GRIP1: variants seen among roughly 807,000 people sequenced by gnomAD.
GRIP1 encodes glutamate receptor interacting protein 1.
Under a neutral mutation model 129.9 loss-of-function variants are expected in GRIP1, and 45 were observed. The observed-to-expected ratio is 0.35, with a 90% CI of 0.27 to 0.44. The LOEUF (loss-of-function observed/expected upper bound fraction) is 0.44, where lower values mean the gene tolerates loss of function less well. Ranked by LOEUF, GRIP1 falls within the 20% of genes least tolerant of loss-of-function variation. The probability of loss-of-function intolerance (pLI) is 1.00; values close to 1 mark genes in which losing one functional copy is unlikely to be tolerated. For synonymous variants in GRIP1, 530 were observed against 520.8 expected (o/e 1.02, Z -0.24); for missense variants, 1,196 against 1,396.8 (o/e 0.86, Z 2.29).
At chr12:66,420,473 C>T (rs572606321) in intron 15 of GRIP1, among the ~76,000 whole-genome samples, 1 of 146,874 alleles carries the variant, frequency 6.8e-6, no homozygotes, top group African/African-American at 2.6e-5. Context: ...GAAGGAGAGC[C>T]TATGCTAGAT....
intron 1 of GRIP1, among the ~76,000 whole-genome samples, chr12:67,065,974 G>T (rs1404932624): frequency 6.6e-6 from 1 of 152,200 alleles, no homozygotes; most frequent in Non-Finnish European, 1.5e-5. Flanking sequence ...AATGGATTGG[G>T]TTTAGCAGAT....
intron 1 of GRIP1, among the ~76,000 whole-genome samples, chr12:67,039,682 G>A (rs1273841890): frequency 6.6e-6 from 1 of 152,142 alleles, no homozygotes; most frequent in East Asian, 1.9e-4. Context: ...AACCCTAGCT[G>A]CCTGAAACAT....
chr12:66,461,214 T>C (rs2059126429), intron 9 of GRIP1, among the ~76,000 whole-genome samples: 2 of 152,216 alleles, frequency 1.3e-5, no homozygotes, highest in South Asian at 2.1e-4. Flanking sequence ...ATGAATTGTA[T>C]ATAGGGCCAA....
chr12:66,944,016 T>C (rs1029937375), intron 1 of GRIP1, among the ~76,000 whole-genome samples: 2 of 152,186 alleles, frequency 1.3e-5, no homozygotes, highest in Non-Finnish European at 2.9e-5. Context: ...AATCAATAAT[T>C]GTAACTGCCA....
At position 66,659,455 on chromosome 12, in the gene GRIP1, C is replaced by A. The variant is rs114164444; in HGVS notation, c.55+19395G>T. Among the ~76,000 whole-genome samples the A allele has an allele frequency of 2.6e-3, 398 of 152,270 alleles. 1 individual carries two copies. Among genetic ancestry groups the A allele is most frequent in the African/African-American group, 9.2e-3 (382 of 41,564 alleles). Reference sequence around the variant, plus strand: ...AGTTGTCATTGTGCATTTCTTTTTGCAAACAACTTTGCTCTATTTATTTCA... The same window carrying A: ...AGTTGTCATTGTGCATTTCTTTTTGAAAACAACTTTGCTCTATTTATTTCA... On this transcript the variant is annotated intron_variant, in intron 1 of 24. Transcript: ENST00000359742.
chr12:66,750,343 T>C (rs1359980139), intron 1 of GRIP1, among the ~76,000 whole-genome samples: 1 of 152,066 alleles, frequency 6.6e-6, no homozygotes, highest in African/African-American at 2.4e-5. Context: ...GCAGTTTGAG[T>C]CTGAGTTTCA....
chr12:66,382,340 A>G (rs1214312878), intron 19 of GRIP1, among the ~76,000 whole-genome samples: 1 of 152,184 alleles, frequency 6.6e-6, no homozygotes, highest in Non-Finnish European at 1.5e-5. Context: ...AGCAACATAA[A>G]AAGACCCTGT....
At chr12:67,063,816 G>A (rs1012249057) in intron 1 of GRIP1, among the ~76,000 whole-genome samples, 12 of 152,156 alleles carry the variant, frequency 7.9e-5, no homozygotes, top group Non-Finnish European at 1.5e-5. Context: ...GCAGAAGAAA[G>A]TATTAACTGA....
intron 1 of GRIP1, among the ~76,000 whole-genome samples, chr12:66,691,305 T>C (rs2034975099): frequency 6.6e-6 from 1 of 152,166 alleles, no homozygotes; most frequent in Non-Finnish European, 1.5e-5. Flanking sequence ...TTAGAAACAT[T>C]GGGTTTGTTC....
chr12:66,632,684 T>C (rs2030938079), intron 1 of GRIP1, among the ~76,000 whole-genome samples: 1 of 152,208 alleles, frequency 6.6e-6, no homozygotes, highest in African/African-American at 2.4e-5. Context: ...TTTGGGGTCA[T>C]AAACTCTTTT....
At chr12:66,411,394 C>T (rs2057397372) in intron 15 of GRIP1, among the ~76,000 whole-genome samples, 2 of 152,140 alleles carry the variant, frequency 1.3e-5, no homozygotes, top group Non-Finnish European at 2.9e-5. Flanking sequence ...GGGGGCCTGA[C>T]TGTTAAAAGA....
chr12:66,477,153 T>A (rs1207536596), intron 7 of GRIP1, among the ~76,000 whole-genome samples: 2 of 152,206 alleles, frequency 1.3e-5, no homozygotes, highest in Admixed American at 6.5e-5. Flanking sequence ...CAAAATCTCC[T>A]TAAGCTGATA....
At chr12:66,973,997 A>G (rs2042115684) in intron 1 of GRIP1, among the ~76,000 whole-genome samples, 1 of 141,138 alleles carries the variant, frequency 7.1e-6, no homozygotes, top group Non-Finnish European at 1.5e-5. Flanking sequence ...ATCTCGGCTC[A>G]CTGCAACCTC....
At chr12:67,063,113 G>A (rs1362412349) in intron 1 of GRIP1, among the ~76,000 whole-genome samples, 1 of 152,116 alleles carries the variant, frequency 6.6e-6, no homozygotes, top group Non-Finnish European at 1.5e-5. Flanking sequence ...TCTTAAAGTA[G>A]AGAAAACAAG....
chr12:66,498,252 A>G (rs116326460), intron 7 of GRIP1, among the ~76,000 whole-genome samples: 1,845 of 152,302 alleles, frequency 0.012, 42 homozygotes, highest in East Asian at 0.1. Context: ...GTGTCAGTGG[A>G]GTGGGACAAA....
intron 1 of GRIP1, chr12:67,064,985 G>A (rs1368974478): frequency 1.4e-5 from 2 of 140,820 alleles, no homozygotes; most frequent in Admixed American, 7.9e-5. Flanking sequence ...TCCCACCTAT[G>A]AGTGAGAATA....
chr12:66,457,251 C>T (rs2058995426), intron 9 of GRIP1, among the ~76,000 whole-genome samples: 1 of 152,014 alleles, frequency 6.6e-6, no homozygotes, highest in Non-Finnish European at 1.5e-5. Context: ...TCTTAAAGAA[C>T]TCAAAATAAC....
chr12:66,703,162 G>C (rs1221063537), intron 1 of GRIP1, among the ~76,000 whole-genome samples: 1 of 152,128 alleles, frequency 6.6e-6, no homozygotes, highest in African/African-American at 2.4e-5. Context: ...TGCCTTGACA[G>C]GGACTGGCCC....
At chr12:67,004,678 A>G (rs1284725812) in intron 1 of GRIP1, among the ~76,000 whole-genome samples, 1 of 152,158 alleles carries the variant, frequency 6.6e-6, no homozygotes, top group Non-Finnish European at 1.5e-5. Flanking sequence ...CCTTATTGGG[A>G]CACCACACAG....
Sources: allele counts gnomAD v4.1 joint callset (sites outside exome capture counted in the v4.1 genomes callset), GRCh38; gene constraint gnomAD v4.1.1; transcripts MANE v1.5; gene names NCBI Gene and HGNC (gene_info 2026-07-23, HGNC 2026-07-21).